Variants in ANKRD30B observed in about 807,000 individuals in gnomAD.
The protein encoded by ANKRD30B is ankyrin repeat domain-containing protein 30B.
ANKRD30B carries 144 observed loss-of-function variants against 202.2 expected under a neutral mutation model. That is an observed-to-expected ratio of 0.71 (90% CI 0.62 to 0.82). The LOEUF (loss-of-function observed/expected upper bound fraction) is 0.82. Ranked by LOEUF, ANKRD30B falls within the 40% of genes least tolerant of loss-of-function variation. The probability of loss-of-function intolerance (pLI) is 0.00; values close to 1 mark genes in which losing one functional copy is unlikely to be tolerated. For missense variants in ANKRD30B, 1,487 were observed against 1,669.1 expected (o/e 0.89, Z 1.90); for synonymous variants, 508 against 561.3 (o/e 0.91, Z 1.34).
chr18:14,854,769 C>T (rs1486852401), downstream of ANKRD30B, among the ~76,000 whole-genome samples: 2 of 151,630 alleles, frequency 1.3e-5, no homozygotes, highest in Non-Finnish European at 2.9e-5. Context: ...CCCCTCTTTT[C>T]TCTCTTCCTG....
chr18:14,904,783 GA>G, the ANKRD30B span, among the ~76,000 whole-genome samples: 1 of 152,168 alleles, frequency 6.6e-6, no homozygotes, highest in Non-Finnish European at 1.5e-5. Flanking sequence ...ACTTTTTATG[GA>G]GACAAAAGTT....
intron 24 of ANKRD30B, among the ~76,000 whole-genome samples, chr18:14,807,649 C>T (rs1211689780): frequency 1.3e-5 from 2 of 148,796 alleles, no homozygotes; most frequent in African/African-American, 2.5e-5. Context: ...CTCACAGCTC[C>T]GGCTCCCAAG....
At chr18:14,783,951 T>C (rs1476662249) in intron 12 of ANKRD30B, among the ~76,000 whole-genome samples, 1 of 152,138 alleles carries the variant, frequency 6.6e-6, no homozygotes, top group Non-Finnish European at 1.5e-5. Flanking sequence ...ATCATAACTA[T>C]GTACCTTTCC....
chr18:14,844,894 T>C (rs1971569807), intron 39 of ANKRD30B, among the ~76,000 whole-genome samples: 3 of 152,050 alleles, frequency 2.0e-5, no homozygotes, highest in Admixed American at 6.6e-5. Context: ...TTTTCAGAAG[T>C]GTCTGTTCAT....
chr18:14,898,567 T>C, the ANKRD30B span, among the ~76,000 whole-genome samples: 62,480 of 151,886 alleles, frequency 0.41, 14,268 homozygotes, highest in East Asian at 0.59. Context: ...CAAACTGGTA[T>C]TTTATTCCTT....
chr18:14,897,722 CTG>C, the ANKRD30B span, among the ~76,000 whole-genome samples: 6 of 152,280 alleles, frequency 3.9e-5, no homozygotes, highest in East Asian at 1.2e-3. Flanking sequence ...GCTCCCATCT[CTG>C]TGCCTATAGG....
intron 36 of ANKRD30B, among the ~76,000 whole-genome samples, chr18:14,839,537 A>G (rs1017154682): frequency 6.6e-6 from 1 of 152,188 alleles, no homozygotes; most frequent in African/African-American, 2.4e-5. Context: ...GTCTGCAAAT[A>G]TGTGTCTGGC....
chr18:14,803,561 T>C (rs1267721299), intron 23 of ANKRD30B, 173 bp from the exon 24 acceptor site: 3 of 639,990 alleles, frequency 4.7e-6, no homozygotes, highest in Middle Eastern at 2.5e-4. Context: ...GAGAGTGTTA[T>C]GTGAGGTTTT....
chr18:14,882,766 G>A, the ANKRD30B span, among the ~76,000 whole-genome samples: 3 of 151,804 alleles, frequency 2.0e-5, no homozygotes, highest in African/African-American at 7.3e-5. Flanking sequence ...ACTAGTAATT[G>A]TTTTATAAAT....
intron 28 of ANKRD30B, among the ~76,000 whole-genome samples, chr18:14,810,427 T>C (rs1471831506): frequency 6.6e-6 from 1 of 151,256 alleles, no homozygotes; most frequent in African/African-American, 2.4e-5. Flanking sequence ...GTGTAAAGTT[T>C]CCAATTTGCA....
chr18:14,894,183 CTGTT>C, the ANKRD30B span, among the ~76,000 whole-genome samples: 1 of 152,038 alleles, frequency 6.6e-6, no homozygotes, highest in African/African-American at 2.4e-5. Flanking sequence ...ACTTTTTTTT[CTGTT>C]TATTATTTAA....
rs188301722 is a variant in ANKRD30B, at chr18:14,805,495, G to A, written c.2284+1671G>A. The stretch of plus-strand genomic sequence containing the variant: ...AATGTTGGATACTATTGTAGCATAC[G>A]GGTATGAAAATCAATGAATATTTAT... On this transcript the variant is annotated intron_variant, in intron 24 of 43. Transcript: ENST00000690538. 1.7e-3 allele frequency among the ~76,000 whole-genome samples: 260 copies of A among 150,346 alleles called. 12 individuals carry two copies. In the East Asian group the frequency reaches 0.044, roughly 25 times the overall value.
the ANKRD30B span, among the ~76,000 whole-genome samples, chr18:14,891,197 T>C: frequency 4.6e-5 from 7 of 152,166 alleles, no homozygotes; most frequent in African/African-American, 1.4e-4. Context: ...TTCTAAAATA[T>C]TGACTTAAAG....
intron 33 of ANKRD30B, among the ~76,000 whole-genome samples, chr18:14,830,557 T>C (rs1598692284): frequency 6.6e-6 from 1 of 152,320 alleles, no homozygotes; most frequent in Admixed American, 6.5e-5. Flanking sequence ...CCTTTTTAAG[T>C]GGTTTTTATG....
chr18:14,750,658 A>G lies in ANKRD30B; in HGVS notation c.222-1908A>G, dbSNP rs971882264. On this transcript the variant is annotated intron_variant, in intron 1 of 43. Coordinates refer to ENST00000690538, the MANE Select transcript of ANKRD30B (RefSeq NM_001367607.2). ...TTTCTGAGCACTGCTTAAAATATCA[A>G]TGTATTAAAAAGAATCCATTTAATG... 6.6e-5 allele frequency among the ~76,000 whole-genome samples: 10 copies of G among 152,162 alleles called. No homozygotes were observed. The East Asian group carries it at 9.6e-4, about 15-fold the overall frequency.
the ANKRD30B span, among the ~76,000 whole-genome samples, chr18:14,895,595 C>T: frequency 5.3e-5 from 8 of 152,176 alleles, no homozygotes; most frequent in African/African-American, 1.2e-4. Context: ...AAGCTTTATT[C>T]GTATCATCAA....
the ANKRD30B span, chr18:14,890,167 T>G: frequency 1.5e-6 from 1 of 674,574 alleles, no homozygotes; most frequent in Non-Finnish European, 2.6e-6. Flanking sequence ...CATTTGTTCT[T>G]ATTTCTGTTT....
intron 37 of ANKRD30B, among the ~76,000 whole-genome samples, chr18:14,842,581 G>C (rs1392320472): frequency 2.0e-5 from 3 of 152,168 alleles, no homozygotes; most frequent in African/African-American, 7.2e-5. Flanking sequence ...GTCATAATTT[G>C]CTCCTCTGAT....
At chr18:14,752,515 G>A (rs1913607665) in intron 1 of ANKRD30B, 51 bp from the exon 2 acceptor site, 1 of 1,390,218 alleles carries the variant, frequency 7.2e-7, no homozygotes, top group Non-Finnish European at 1.0e-6. Context: ...ATCGTTGTAT[G>A]TTTTGAGACA....
Sources: gnomAD v4.1 joint callset for allele counts (sites outside exome capture counted in the v4.1 genomes callset) on GRCh38, gnomAD v4.1.1 for gene constraint, MANE v1.5 for transcripts, NCBI Gene and HGNC (gene_info 2026-07-23, HGNC 2026-07-21) for gene names.